SULT6B1: variants seen among roughly 807,000 people sequenced by gnomAD.
SULT6B1 encodes the protein sulfotransferase family 6B member 1.
In SULT6B1, 44 loss-of-function variants were observed where a neutral mutation model predicts 37.2. That is an observed-to-expected ratio of 1.18 (90% CI 0.93 to 1.52). SULT6B1 has a LOEUF of 1.52. SULT6B1 is among the 40% of genes most tolerant of loss of function. The probability of loss-of-function intolerance (pLI) is 0.00; values close to 1 mark genes in which losing one functional copy is unlikely to be tolerated. For synonymous variants in SULT6B1, 140 were observed against 126.0 expected, an observed-to-expected ratio of 1.11 and a Z score of -0.74; for missense variants, 450 against 361.0, an observed-to-expected ratio of 1.25 and a Z score of -2.00.
At chr2:37,194,088 T>C (rs911220679) in intron 1 of SULT6B1, among the ~76,000 whole-genome samples, 1 of 152,242 alleles carries the variant, frequency 6.6e-6, no homozygotes, top group Admixed American at 6.5e-5. Context: ...ATTTCTGTTT[T>C]TTCGTGAAAG....
intron 5 of SULT6B1, among the ~76,000 whole-genome samples, chr2:37,174,908 T>C (rs547307775): frequency 8.4e-4 from 128 of 152,338 alleles, no homozygotes; most frequent in Admixed American, 1.8e-3. Flanking sequence ...AATAAAGCAG[T>C]CACTTTTAGT....
chr2:37,188,700 T>C (rs1421137155), upstream of SULT6B1: 4 of 647,652 alleles, frequency 6.2e-6, no homozygotes, highest in South Asian at 1.8e-5. Flanking sequence ...TTGCTTTTAA[T>C]GGAGTTGGGC....
chr2:37,179,633 T>C (rs758797862), intron 3 of SULT6B1, 49 bp from the exon 4 acceptor site: 1 of 1,568,078 alleles, frequency 6.4e-7, no homozygotes, highest in Admixed American at 1.8e-5. Flanking sequence ...GTTTTGAAAT[T>C]TGGAAAATTA....
At position 37,187,464 on chromosome 2, in the gene SULT6B1, G is replaced by T. The variant is rs1412268606; in HGVS notation, c.203C>A (p.Ser68Ter). The T allele has an allele frequency of 5.1e-6, 8 of 1,559,500 alleles. No homozygotes were observed. The highest frequency in any genetic ancestry group is 7.0e-6 in the Non-Finnish European group (8 of 1,142,206). ...ACTGACAATGTGGAGAATCCAGTTTGAACCTATCAGAAAAATCAGAGAATA... is the reference window on the plus strand; with the variant it reads ...ACTGACAATGTGGAGAATCCAGTTTTAACCTATCAGAAAAATCAGAGAATA... The part of the protein sequence containing the change: ...IVLASYPKCG[S>*]NWILHIVSEL... Residue 68 changes from serine (S) to a stop codon, truncating the protein, a stop_gained, in exon 2 of 7, where the codon TCA (serine) becomes TAA (stop). Transcript: ENST00000535679. LOFTEE classifies it high-confidence loss of function.
In SULT6B1 at chr2:37,181,627, C is replaced by T. The variant is rs556204077; in HGVS notation, c.402+1798G>A. On this transcript the variant is annotated intron_variant, in intron 3 of 6. Transcript: ENST00000535679. ...AACTCCTGGGCTCAAGCGATCCCTC[C>T]TGCTTCGGCCTCCCAAAGTGCTGGG... Among the ~76,000 whole-genome samples, 35 of 151,620 alleles carry T rather than the reference C, an allele frequency of 2.3e-4. No individual in the cohort carries two copies. The East Asian group carries it at 5.3e-3, about 23-fold the overall frequency.
At chr2:37,184,090 C>T (rs1220742276) in intron 2 of SULT6B1, among the ~76,000 whole-genome samples, 1 of 152,032 alleles carries the variant, frequency 6.6e-6, no homozygotes. Context: ...AAAAAATTAC[C>T]TTTTCCCACA....
intron 5 of SULT6B1, among the ~76,000 whole-genome samples, chr2:37,173,488 G>A (rs1045279007): frequency 6.6e-6 from 1 of 152,092 alleles, no homozygotes; most frequent in Admixed American, 6.5e-5. Flanking sequence ...AGGCCTGTAT[G>A]CCCAACTGCC....
chr2:37,191,727 G>T (rs1303800927), upstream of SULT6B1, among the ~76,000 whole-genome samples: 2 of 152,176 alleles, frequency 1.3e-5, no homozygotes, highest in African/African-American at 4.8e-5. Context: ...TAGCCTGAAG[G>T]TGGGTACGAA....
Position 37,175,214 on chromosome 2 carries a change from C to T in SULT6B1, c.542G>A (p.Arg181Lys), listed in dbSNP as rs1676391060. 3.8e-6 allele frequency: 6 copies of T among 1,584,330 alleles called. No homozygotes were observed. The Admixed American group carries it at 8.8e-5, about 23-fold the overall frequency. ...CCAATTGATTGCAAAATCAAAATAC[C>T]TTCCCCAAGAAACTAAAAACACAGG... Reference protein sequence around the residue: ...QFMKGQVSWGRYFDFAINWNK... With the variant: ...QFMKGQVSWGKYFDFAINWNK... The change falls in exon 5 of 7, where the codon AGG (arginine) becomes AAG (lysine). Residue 181 changes from arginine to lysine, a missense_variant. Physicochemically the swap from Arg to Lys is conservative, Grantham distance 26. Transcript: ENST00000535679.
intron 1 of SULT6B1, among the ~76,000 whole-genome samples, chr2:37,194,897 TTTCCTTCCTTCCTTCC>T (rs376397934): frequency 0.013 from 868 of 68,492 alleles, 20 homozygotes; most frequent in East Asian, 0.03. Flanking sequence ...TCCTTCCTTC[TTTCCTTCCTTCCTTCC>T]TTCCTTCCTT....
At chr2:37,177,794 T>C (rs1439032951) in intron 4 of SULT6B1, among the ~76,000 whole-genome samples, 2 of 152,240 alleles carry the variant, frequency 1.3e-5, no homozygotes, top group Non-Finnish European at 2.9e-5. Context: ...CATTTCATTG[T>C]GTATACGGTG....
chr2:37,182,526 A>G (rs1487825006), intron 3 of SULT6B1, among the ~76,000 whole-genome samples: 2 of 152,130 alleles, frequency 1.3e-5, no homozygotes, highest in Non-Finnish European at 2.9e-5. Context: ...ATGTGGTTTC[A>G]CCATGTTGGC....
intron 2 of SULT6B1, among the ~76,000 whole-genome samples, chr2:37,184,079 T>TA (rs1311375142): frequency 6.6e-6 from 1 of 152,142 alleles, no homozygotes; most frequent in East Asian, 1.9e-4. Context: ...TGTAATTTTT[T>TA]AAAAAATTAC....
intron 6 of SULT6B1, among the ~76,000 whole-genome samples, chr2:37,169,243 A>C (rs1676244935): frequency 6.6e-6 from 1 of 152,202 alleles, no homozygotes; most frequent in African/African-American, 2.4e-5. Flanking sequence ...AAGCCATAAA[A>C]ATGGGGGTTA....
At chr2:37,174,979 G>T (rs1293372467) in intron 5 of SULT6B1, among the ~76,000 whole-genome samples, 153 bp downstream of exon 5, 2 of 152,098 alleles carry the variant, frequency 1.3e-5, no homozygotes, top group African/African-American at 4.8e-5. Context: ...TGTATGCATG[G>T]TTTGAATTTT....
Position 37,188,475 on chromosome 2 carries a change from C to G in SULT6B1, c.166G>C (p.Asp56His). The G allele has an allele frequency of 6.2e-7, 1 of 1,614,112 alleles. No homozygotes were observed. Among genetic ancestry groups the G allele is most frequent in the Non-Finnish European group, 8.5e-7 (1 of 1,179,972 alleles). The change falls in exon 1 of 7, where the codon GAT (aspartate) becomes CAT (histidine). Residue 56 changes from aspartate (D) to histidine (H), a missense_variant. Physicochemically the swap from Asp to His is moderately conservative, Grantham distance 81. Transcript: ENST00000535679. The stretch of plus-strand genomic sequence containing the variant: ...GGATAAGATGCTAGCACGATGTCAT[C>G]ATGTCTGGCTTCGAAGGTGTCCAGC... ...QALDTFEARH[D>H]DIVLASYPKC...
chr2:37,182,401 G>A lies in SULT6B1; in HGVS notation c.402+1024C>T, dbSNP rs1306335910. Among the ~76,000 whole-genome samples, 3 of 152,082 alleles carry A rather than the reference G, an allele frequency of 2.0e-5. 1 individual carries two copies. The highest frequency in any genetic ancestry group is 3.8e-4 in the East Asian group (2 of 5,198). ...CCCAAGTAGCTGAGATTACAGGCAC[G>A]TGCTATCACACCTGGCTATTTTTAG... On this transcript the variant is annotated intron_variant, in intron 3 of 6. Coordinates refer to ENST00000535679, the MANE Select transcript of SULT6B1 (RefSeq NM_001367551.1).
intron 3 of SULT6B1, among the ~76,000 whole-genome samples, chr2:37,181,112 A>G (rs1676540182): frequency 6.6e-6 from 1 of 152,196 alleles, no homozygotes; most frequent in Admixed American, 6.5e-5. Context: ...TAAAGAATTT[A>G]ACTAACACCA....
At chr2:37,176,121 G>T (rs1572457916) in intron 4 of SULT6B1, among the ~76,000 whole-genome samples, 2 of 152,262 alleles carry the variant, frequency 1.3e-5, no homozygotes, top group African/African-American at 4.8e-5. Context: ...CTGGTTACTA[G>T]CTCTGTGACT....
Sources: gnomAD v4.1 joint callset for allele counts (sites outside exome capture counted in the v4.1 genomes callset) on GRCh38, gnomAD v4.1.1 for gene constraint, MANE v1.5 for transcripts, NCBI Gene and HGNC (gene_info 2026-07-23, HGNC 2026-07-21) for gene names.